Variants in CASC3 observed in about 807,000 individuals in gnomAD.
CASC3 encodes CASC3 exon junction complex subunit, also known as protein CASC3.
Under a neutral mutation model 80.5 loss-of-function variants are expected in CASC3, and 30 were observed. The ratio of observed to expected loss-of-function variants is 0.37; its 90% CI spans 0.28 to 0.51. The LOEUF is 0.51. Among genes scored for constraint, CASC3 ranks in the 20% least tolerant of loss-of-function variants. The pLI is 0.94. For missense variants in CASC3, 824 were observed against 922.2 expected (o/e 0.89, Z 1.38); for synonymous variants, 312 against 333.6 (o/e 0.94, Z 0.70).
chr17:40,157,074 G>A (rs1396220991), intron 3 of CASC3, among the ~76,000 whole-genome samples: 13 of 152,176 alleles, frequency 8.5e-5, no homozygotes, highest in East Asian at 3.9e-4. Flanking sequence ...GGCCGGGCGC[G>A]GTGGCTCACG....
intron 3 of CASC3, among the ~76,000 whole-genome samples, chr17:40,147,141 G>C (rs1220659967): frequency 2.0e-5 from 3 of 152,180 alleles, no homozygotes; most frequent in Non-Finnish European, 4.4e-5. Context: ...GCTTAAATGT[G>C]GGGGATGAAT....
chr17:40,144,591 C>T (rs1381038360), intron 3 of CASC3, among the ~76,000 whole-genome samples: 5 of 150,948 alleles, frequency 3.3e-5, no homozygotes, highest in Admixed American at 6.6e-5. Flanking sequence ...GTGATCCGTC[C>T]GCCTCAGCTT....
intron 3 of CASC3, among the ~76,000 whole-genome samples, chr17:40,147,911 T>A (rs915484166): frequency 6.6e-6 from 1 of 152,216 alleles, no homozygotes; most frequent in African/African-American, 2.4e-5. Flanking sequence ...TCATGCCTTA[T>A]ATAATTTTCT....
At position 40,141,279 on chromosome 17, in the gene CASC3, CAT is replaced by C. The variant is rs368409494; in HGVS notation, c.259+47_259+48del. The C allele has an allele frequency of 1.3e-3, 1,936 of 1,536,298 alleles. 26 individuals carry two copies. The African/African-American group carries it at 0.026, about 20-fold the overall frequency. ...CCATTAGGACAAGAGTTTTTTTTAA[CAT>C]AAACTCAGGTCATCTATTTCCAACA... On this transcript the variant is annotated intron_variant, in intron 2 of 13. Coordinates refer to ENST00000264645, the MANE Select transcript of CASC3 (RefSeq NM_007359.5).
intron 13 of CASC3, 55 bp downstream of exon 13, chr17:40,169,717 AT>A (rs1989545852): frequency 1.5e-6 from 1 of 670,962 alleles, no homozygotes; most frequent in Non-Finnish European, 2.3e-6. Context: ...CACTTGCTTA[AT>A]AAACAAAAAT....
intron 9 of CASC3, 61 bp downstream of exon 9, chr17:40,167,673 AGGCTCCT>A (rs765697585): frequency 3.9e-4 from 540 of 1,389,532 alleles, no homozygotes; most frequent in Non-Finnish European, 5.2e-4. Context: ...GTAAGATACC[AGGCTCCT>A]GGCTCCTGAA....
chr17:40,164,032 C>T lies in CASC3; in HGVS notation c.1337C>T (p.Thr446Ile). The T allele has an allele frequency of 6.2e-7, 1 of 1,614,044 alleles. No homozygotes were observed. Among genetic ancestry groups the T allele is most frequent in the Non-Finnish European group, 8.5e-7 (1 of 1,180,032 alleles). The change falls in exon 7 of 14, where the codon ACT (threonine) becomes ATT (isoleucine). Residue 446 changes from threonine to isoleucine, a missense_variant. Physicochemically the swap from Thr to Ile is moderately conservative, Grantham distance 89. Coordinates refer to ENST00000264645, the MANE Select transcript of CASC3 (RefSeq NM_007359.5). ...PVPETTPTPPTKTGTWEAPVD... is the reference protein window; with the variant it reads ...PVPETTPTPPIKTGTWEAPVD... ...CCAGAAACCACCCCAACTCCACCTA[C>T]TAAGACTGGGACCTGGGAAGCTCCG... is the stretch of plus-strand genomic sequence containing the variant.
chr17:40,171,574 C>T lies in CASC3; in HGVS notation c.*1169C>T. The T allele has an allele frequency of 1.0e-6, 1 of 990,298 alleles. No homozygotes were observed. The highest frequency in any genetic ancestry group is 1.2e-6 in the Non-Finnish European group (1 of 832,470). 61.3% of individuals were successfully genotyped at this position (990,298 alleles called of 1,614,324 possible). On this transcript the variant is annotated 3_prime_UTR_variant, in exon 14 of 14. Transcript: ENST00000264645. ...TGTCCTTGCAGACAGAATATAAAAA[C>T]TCCTGGGCTTAAGGCCTAAGGAAGC...
At chr17:40,146,628 C>CG (rs1349090522) in intron 3 of CASC3, among the ~76,000 whole-genome samples, 1 of 150,852 alleles carries the variant, frequency 6.6e-6, no homozygotes, top group Non-Finnish European at 1.5e-5. Flanking sequence ...TTAGTAGAGA[C>CG]GGGGTTTCAT....
chr17:40,159,122 G>A (rs184840157), intron 3 of CASC3, among the ~76,000 whole-genome samples: 2 of 152,186 alleles, frequency 1.3e-5, no homozygotes. Context: ...TGTAGTCCCA[G>A]CTACTTGTGG....
rs1359316422 is a variant in CASC3 at position 40,163,603 on chromosome 17, G to A, written c.908G>A (p.Gly303Asp). The change falls in exon 7 of 14, where the codon GGT (glycine) becomes GAT (aspartate). Residue 303 changes from glycine (G) to aspartate (D), a missense_variant. This residue lies in a region of CASC3 where 201 missense variants were observed against 294.1 expected (regional missense o/e 0.68). Coordinates refer to ENST00000264645, the MANE Select transcript of CASC3 (RefSeq NM_007359.5). The part of the protein sequence containing the change: ...PRTFINRNAA[G>D]TGRMSAPRNY... The stretch of plus-strand genomic sequence containing the variant: ...ACATTTATTAACAGGAATGCTGCAG[G>A]TACCGGCCGTATGTCTGCACCCAGG... 1 of 1,614,160 alleles carries A rather than the reference G, an allele frequency of 6.2e-7. No homozygotes were observed. The highest frequency in any genetic ancestry group is 2.2e-5 in the East Asian group (1 of 44,888).
chr17:40,163,053 T>TC (rs1273286134), intron 6 of CASC3, 152 bp downstream of exon 6: 10 of 465,066 alleles, frequency 2.2e-5, no homozygotes, highest in Middle Eastern at 5.7e-4. Flanking sequence ...AGACCCTGTC[T>TC]CCAAAAAAAA....
At position 40,167,516 on chromosome 17, in the gene CASC3, G is replaced by A; in HGVS notation, c.1555G>A (p.Ala519Thr). 1 of 1,614,038 alleles carries A rather than the reference G, an allele frequency of 6.2e-7. No individual in the cohort carries two copies. The highest frequency in any genetic ancestry group is 8.5e-7 in the Non-Finnish European group (1 of 1,179,952). The change falls in exon 9 of 14, where the codon GCC becomes ACC. Residue 519 changes from alanine (A) to threonine (T), a missense_variant. Coordinates refer to ENST00000264645, the MANE Select transcript of CASC3 (RefSeq NM_007359.5). ...MEEMGVQGGR[A>T]KRYSSQRQRP... ...GTCTCAGGGTGTCCAGGGTGGTCGA[G>A]CCAAACGCTATTCATCCCAGCGGCA...
chr17:40,162,053 T>C lies in CASC3; in HGVS notation c.508T>C (p.Leu170=). 1 of 1,613,948 alleles carries C rather than the reference T, an allele frequency of 6.2e-7. No individual in the cohort carries two copies. The highest frequency in any genetic ancestry group is 8.5e-7 in the Non-Finnish European group (1 of 1,179,966). ...AGTGGGTAAAAAGGGCCCTAAGCAT[T>C]TGGATGATGATGAAGATCGGAAGAA... ...NKVGKKGPKH[L]DDDEDRKNPA... is the part of the protein sequence containing the mutation. The change falls in exon 5 of 14, where the codon TTG becomes CTG. Residue 170 remains leucine, a synonymous_variant. Coordinates refer to ENST00000264645, the MANE Select transcript of CASC3 (RefSeq NM_007359.5).
chr17:40,162,762 G>T lies in CASC3; in HGVS notation c.646G>T (p.Gly216Cys), dbSNP rs1989335441. 6.2e-7 allele frequency: 1 copy of T among 1,613,872 alleles called. No homozygotes were observed. The highest frequency in any genetic ancestry group is 1.1e-5 in the South Asian group (1 of 91,074). The change falls in exon 6 of 14, where the codon GGT (glycine) becomes TGT (cysteine). Residue 216 changes from glycine to cysteine, a missense_variant. Gly to Cys is a radical substitution (Grantham distance 159). This residue lies in a region of CASC3 where 201 missense variants were observed against 294.1 expected (regional missense o/e 0.68). Coordinates refer to ENST00000264645, the MANE Select transcript of CASC3 (RefSeq NM_007359.5). ...GRQRKLWKDE[G>C]RWEHDKFRED... ...TCAGCGAAAGCTATGGAAGGATGAGGGTCGCTGGGAGCATGACAAGTTCCG... is the reference window on the plus strand; with the variant it reads ...TCAGCGAAAGCTATGGAAGGATGAGTGTCGCTGGGAGCATGACAAGTTCCG...
At chr17:40,147,207 G>T (rs1421291358) in intron 3 of CASC3, among the ~76,000 whole-genome samples, 1 of 152,172 alleles carries the variant, frequency 6.6e-6, no homozygotes, top group Non-Finnish European at 1.5e-5. Flanking sequence ...GAGGTTGTTA[G>T]GATAGTCCAA....
chr17:40,154,534 A>ATT (rs201636612), intron 3 of CASC3, among the ~76,000 whole-genome samples: 1 of 138,672 alleles, frequency 7.2e-6, no homozygotes. Context: ...GCGCTTGGCC[A>ATT]TTTTTTTTTT....
Position 40,162,872 on chromosome 17 carries a change from C to T in CASC3, c.756C>T (p.Asp252=), listed in dbSNP as rs780886288. ...YDIRSAHNPD[D]IKPRRIRKPR... ...TTCGCTCAGCTCATAATCCTGATGA[C>T]ATCAAACCTCGAAGAATCCGGAAAC... Residue 252 remains aspartate (D), a synonymous_variant, in exon 6 of 14, where the codon GAC becomes GAT. Transcript: ENST00000264645. The T allele has an allele frequency of 1.2e-6, 2 of 1,613,888 alleles. No homozygotes were observed. The highest frequency in any genetic ancestry group is 4.5e-5 in the East Asian group (2 of 44,870).
At chr17:40,170,221 C>G (rs1397002361) in intron 13 of CASC3, among the ~76,000 whole-genome samples, 1 of 152,074 alleles carries the variant, frequency 6.6e-6, no homozygotes, top group Admixed American at 6.6e-5. Flanking sequence ...GGAAAAAATA[C>G]AGGAAGGCAG....
Sources: allele counts gnomAD v4.1 joint callset (sites outside exome capture counted in the v4.1 genomes callset), GRCh38; gene constraint gnomAD v4.1.1; regional missense constraint gnomAD v4.1.1; transcripts MANE v1.5; gene names NCBI Gene and HGNC (gene_info 2026-07-23, HGNC 2026-07-21).